The following FAM135B variants were observed in gnomAD, a reference collection of about 807,000 sequenced individuals.
FAM135B encodes protein FAM135B.
A neutral mutation model predicts 127.7 loss-of-function variants in FAM135B; 43 were observed. That is an observed-to-expected ratio of 0.34 (90% CI 0.26 to 0.43). The LOEUF is 0.43. Ranked by LOEUF, FAM135B falls within the 20% of genes least tolerant of loss-of-function variation. FAM135B has a pLI of 1.00. For missense variants in FAM135B, 1,558 were observed against 1,725.6 expected, an observed-to-expected ratio of 0.90 and a Z score of 1.72; for synonymous variants, 670 against 665.1, an observed-to-expected ratio of 1.01 and a Z score of -0.11.
At chr8:138,135,393 C>G (rs1816565035) in intron 19 of FAM135B, among the ~76,000 whole-genome samples, 1 of 152,006 alleles carries the variant, frequency 6.6e-6, no homozygotes, top group African/African-American at 2.4e-5. Context: ...TGTCACAGGT[C>G]TTAGCATATA....
In FAM135B at chr8:138,152,357, C is replaced by T. The variant is rs2130766353; in HGVS notation, c.2118G>A (p.Glu706=). The T allele has an allele frequency of 6.2e-7, 1 of 1,614,198 alleles. No homozygotes were observed. Residue 706 remains glutamate (E), a synonymous_variant, in exon 13 of 20, where the codon GAG becomes GAA. Coordinates refer to ENST00000395297, the MANE Select transcript of FAM135B (RefSeq NM_015912.4). ...AWSEARSRAL[E]LPSDREVLHP... ...GCAAGACTTCCCGATCACTGGGCAA[C>T]TCCAGAGCCCTGCTTCGGGCCTCTG...
chr8:138,489,703 CT>C (rs954164464), intron 1 of FAM135B, among the ~76,000 whole-genome samples: 6 of 151,966 alleles, frequency 3.9e-5, no homozygotes, highest in African/African-American at 1.5e-4. Context: ...CTTCCCACCC[CT>C]GTCTCAAGTT....
At chr8:138,422,469 A>G (rs1479146505) in intron 1 of FAM135B, among the ~76,000 whole-genome samples, 2 of 152,160 alleles carry the variant, frequency 1.3e-5, no homozygotes. Context: ...ACATGAACAG[A>G]CACTTCTCAA....
rs145402140 is a variant in FAM135B, at chr8:138,214,439, ATTTGTGTATGACTTTGGG to A, written c.670-16788_670-16771del. ...AACTCTACTAGAAAATGAAAATATTATTTGTGTATGACTTTGGGTTCAAGATCTTTGCAGTTTAGCATG... is the reference window on the plus strand; with the variant it reads ...AACTCTACTAGAAAATGAAAATATTATTCAAGATCTTTGCAGTTTAGCATG... On this transcript the variant is annotated intron_variant, in intron 7 of 19. Transcript: ENST00000395297. 7.0e-3 allele frequency among the ~76,000 whole-genome samples: 1,062 copies of A among 152,268 alleles called. 7 individuals carry two copies. The highest frequency in any genetic ancestry group is 0.024 in the African/African-American group (1,005 of 41,546).
chr8:138,310,260 T>A (rs547517384), intron 3 of FAM135B, among the ~76,000 whole-genome samples: 59 of 152,306 alleles, frequency 3.9e-4, no homozygotes, highest in Middle Eastern at 3.4e-3. Flanking sequence ...TAATATTATG[T>A]CTGTCTTTAT....
chr8:138,147,264 C>T (rs1817731757), intron 14 of FAM135B, among the ~76,000 whole-genome samples: 2 of 142,412 alleles, frequency 1.4e-5, no homozygotes, highest in South Asian at 4.7e-4. Context: ...TAATGATATG[C>T]CAGGGCCTGC....
chr8:138,306,069 ATTT>A (rs2130867838), intron 3 of FAM135B, among the ~76,000 whole-genome samples: 1 of 152,276 alleles, frequency 6.6e-6, no homozygotes, highest in East Asian at 1.9e-4. Flanking sequence ...ACTAAGAAAA[ATTT>A]ATGTTCTGTT....
chr8:138,410,096 T>C (rs776088313), intron 1 of FAM135B, among the ~76,000 whole-genome samples: 2 of 152,110 alleles, frequency 1.3e-5, no homozygotes, highest in African/African-American at 2.4e-5. Context: ...AAGGACAGGA[T>C]GGTGCCTGGA....
intron 1 of FAM135B, among the ~76,000 whole-genome samples, chr8:138,385,994 G>T (rs1037507595): frequency 6.6e-6 from 1 of 152,032 alleles, no homozygotes; most frequent in Admixed American, 6.6e-5. Context: ...CCCAAGGCAG[G>T]TGGATCACCT....
intron 2 of FAM135B, among the ~76,000 whole-genome samples, chr8:138,354,013 C>T (rs1309670603): frequency 6.6e-6 from 1 of 152,074 alleles, no homozygotes; most frequent in Non-Finnish European, 1.5e-5. Context: ...CTTTTCCCTT[C>T]CCCTCAACAC....
chr8:138,425,992 T>TATATATATATATATAC (rs2131480026), intron 1 of FAM135B, among the ~76,000 whole-genome samples: 1 of 15,922 alleles, frequency 6.3e-5, no homozygotes, highest in Non-Finnish European at 1.1e-4. Context: ...TATATATATA[T>TATATATATATATATAC]ATATATATAT....
chr8:138,222,881 A>G (rs1455214228), intron 7 of FAM135B, among the ~76,000 whole-genome samples: 1 of 152,124 alleles, frequency 6.6e-6, no homozygotes, highest in African/African-American at 2.4e-5. Context: ...TCTTTACCCT[A>G]CATTTAGGAG....
intron 1 of FAM135B, among the ~76,000 whole-genome samples, chr8:138,425,964 C>CATATATATATAT (rs11271386): frequency 1.7e-3 from 183 of 109,934 alleles, no homozygotes; most frequent in South Asian, 2.9e-3. Context: ...GCCAGGCCAA[C>CATATATATATAT]ATATATATAT....
chr8:138,316,871 T>A lies in FAM135B; in HGVS notation c.78-5951A>T, dbSNP rs2130924146. Among the ~76,000 whole-genome samples the A allele has an allele frequency of 2.0e-5, 3 of 151,706 alleles. No homozygotes were observed. In the Middle Eastern group the frequency reaches 0.01, roughly 516 times the overall value. On this transcript the variant is annotated intron_variant, in intron 2 of 19. Coordinates refer to ENST00000395297, the MANE Select transcript of FAM135B (RefSeq NM_015912.4). The stretch of plus-strand genomic sequence containing the variant: ...GGTGGGCGCCTGTAGTCCCAGCTAC[T>A]CAGGAGGCTGAGGCAGGAGAATGGC...
At chr8:138,263,368 C>T (rs1387588749) in intron 4 of FAM135B, among the ~76,000 whole-genome samples, 3 of 151,994 alleles carry the variant, frequency 2.0e-5, no homozygotes, top group Non-Finnish European at 4.4e-5. Context: ...CCATTCTCCT[C>T]GTAGTCACTT....
chr8:138,340,969 G>A (rs1187652175), intron 2 of FAM135B, among the ~76,000 whole-genome samples: 1 of 152,178 alleles, frequency 6.6e-6, no homozygotes, highest in Non-Finnish European at 1.5e-5. Context: ...CACTTTCCTA[G>A]TATAGGAACA....
intron 1 of FAM135B, among the ~76,000 whole-genome samples, chr8:138,454,219 T>A (rs185818319): frequency 1.3e-4 from 20 of 152,300 alleles, no homozygotes; most frequent in Admixed American, 1.2e-3. Context: ...GTTTAAGCCA[T>A]GGACTTGGCC....
chr8:138,164,433 T>C (rs1299728287), intron 12 of FAM135B, among the ~76,000 whole-genome samples: 1 of 152,136 alleles, frequency 6.6e-6, no homozygotes, highest in Non-Finnish European at 1.5e-5. Flanking sequence ...AGGCTGGTCC[T>C]AAAATATGAC....
chr8:138,309,858 C>CTTTTTCTTT (rs1826538060), intron 3 of FAM135B, among the ~76,000 whole-genome samples: 2 of 86,788 alleles, frequency 2.3e-5, no homozygotes, highest in African/African-American at 8.9e-5. Context: ...AGTCTTTCTA[C>CTTTTTCTTT]TTTTTTTTTT....
Sources: allele counts gnomAD v4.1 joint callset (sites outside exome capture counted in the v4.1 genomes callset), GRCh38; gene constraint gnomAD v4.1.1; transcripts MANE v1.5; gene names NCBI Gene and HGNC (gene_info 2026-07-23, HGNC 2026-07-21).